The following CPA6 variants were observed in gnomAD, a reference collection of about 807,000 sequenced individuals.
CPA6 encodes the protein carboxypeptidase B.
CPA6 carries 58 observed loss-of-function variants against 63.3 expected under a neutral mutation model. That is an observed-to-expected ratio of 0.92 (90% CI 0.74 to 1.14). The LOEUF (loss-of-function observed/expected upper bound fraction) is 1.14, where lower values mean the gene tolerates loss of function less well. Ranked by LOEUF, CPA6 falls within the 50% of genes most tolerant of loss-of-function variation. CPA6 has a pLI of 0.00. For missense variants in CPA6, 565 were observed against 526.6 expected, an observed-to-expected ratio of 1.07 and a Z score of -0.71; for synonymous variants, 185 against 179.0, an observed-to-expected ratio of 1.03 and a Z score of -0.27.
intron 2 of CPA6, among the ~76,000 whole-genome samples, chr8:67,606,489 T>A (rs549397042): frequency 9.8e-5 from 15 of 152,330 alleles, no homozygotes; most frequent in African/African-American, 3.6e-4. Context: ...TGGCTCTTTA[T>A]GCTCTAAGAC....
At chr8:67,658,195 T>C (rs1396045522) in intron 1 of CPA6, among the ~76,000 whole-genome samples, 1 of 152,226 alleles carries the variant, frequency 6.6e-6, no homozygotes, top group Admixed American at 6.5e-5. Flanking sequence ...TTGATCTTTC[T>C]TCCTATCTAA....
intron 1 of CPA6, among the ~76,000 whole-genome samples, chr8:67,711,660 A>ATGCATG (rs1817262794): frequency 6.7e-6 from 1 of 149,580 alleles, no homozygotes; most frequent in Admixed American, 6.6e-5. Context: ...TGGTATATGT[A>ATGCATG]TGCATGTGGT....
At chr8:67,651,077 G>A (rs1815826175) in intron 1 of CPA6, among the ~76,000 whole-genome samples, 1 of 152,046 alleles carries the variant, frequency 6.6e-6, no homozygotes, top group East Asian at 1.9e-4. Flanking sequence ...TATGTTCAAA[G>A]GTAAAAACTA....
At chr8:67,560,510 A>G (rs1813183271) in intron 2 of CPA6, among the ~76,000 whole-genome samples, 1 of 152,190 alleles carries the variant, frequency 6.6e-6, no homozygotes. Flanking sequence ...AAACCTTTGT[A>G]TAATGCAATA....
chr8:67,567,492 T>C (rs1813368289), intron 2 of CPA6, among the ~76,000 whole-genome samples: 1 of 152,190 alleles, frequency 6.6e-6, no homozygotes, highest in South Asian at 2.1e-4. Context: ...ACTGGGTCAG[T>C]GGCAGTTTTG....
chr8:67,704,477 T>G (rs1313242888), intron 1 of CPA6, among the ~76,000 whole-genome samples: 1 of 152,210 alleles, frequency 6.6e-6, no homozygotes, highest in South Asian at 2.1e-4. Context: ...GACAAGAATA[T>G]AGGCCAGCTG....
chr8:67,690,173 T>A (rs1474428575), intron 1 of CPA6, among the ~76,000 whole-genome samples: 2 of 152,178 alleles, frequency 1.3e-5, no homozygotes, highest in Admixed American at 6.5e-5. Flanking sequence ...TGTGTGTTAC[T>A]CAGTTCTGTA....
chr8:67,739,271 C>A (rs970765847), intron 1 of CPA6, among the ~76,000 whole-genome samples: 1 of 152,158 alleles, frequency 6.6e-6, no homozygotes. Flanking sequence ...CCCCAACACA[C>A]AGAACATACT....
At chr8:67,624,144 A>G in intron 2 of CPA6, 32 bp downstream of exon 2, 1 of 1,301,336 alleles carries the variant, frequency 7.7e-7, no homozygotes, top group Non-Finnish European at 1.1e-6. Context: ...CACAAGCACA[A>G]TTCTACCATA....
chr8:67,598,497 C>T (rs1814406533), intron 2 of CPA6, among the ~76,000 whole-genome samples: 1 of 151,946 alleles, frequency 6.6e-6, no homozygotes, highest in South Asian at 2.1e-4. Flanking sequence ...TATGGAAAAA[C>T]AAAATTTTCA....
chr8:67,620,900 G>T (rs1338521002), intron 2 of CPA6, among the ~76,000 whole-genome samples: 1 of 152,184 alleles, frequency 6.6e-6, no homozygotes, highest in Admixed American at 6.5e-5. Context: ...CATTTGGAAA[G>T]TTGGATATCA....
chr8:67,545,755 G>T (rs1812805381), intron 2 of CPA6, among the ~76,000 whole-genome samples: 1 of 151,814 alleles, frequency 6.6e-6, no homozygotes, highest in Non-Finnish European at 1.5e-5. Context: ...TAGAGACAGG[G>T]TTTCTCCATG....
At chr8:67,542,488 C>T (rs1000376985) in intron 2 of CPA6, among the ~76,000 whole-genome samples, 3 of 152,156 alleles carry the variant, frequency 2.0e-5, no homozygotes, top group Non-Finnish European at 2.9e-5. Flanking sequence ...GGATTGGAAC[C>T]GAGTCGATTC....
At chr8:67,729,328 AG>A (rs2129002786) in intron 1 of CPA6, among the ~76,000 whole-genome samples, 1 of 152,352 alleles carries the variant, frequency 6.6e-6, no homozygotes, top group South Asian at 2.1e-4. Context: ...CATGAAAAAA[AG>A]CCCTAATTTT....
At chr8:67,651,935 A>C (rs1357240439) in intron 1 of CPA6, among the ~76,000 whole-genome samples, 2 of 148,412 alleles carry the variant, frequency 1.3e-5, no homozygotes, top group African/African-American at 2.5e-5. Context: ...ATGTTCCCCT[A>C]CCTGTGTCCA....
At chr8:67,629,317 T>C (rs1484485659) in intron 1 of CPA6, among the ~76,000 whole-genome samples, 1 of 150,492 alleles carries the variant, frequency 6.6e-6, no homozygotes, top group Non-Finnish European at 1.5e-5. Context: ...AATAAATAAA[T>C]AAATAAATAA....
chr8:67,438,835 A>T (rs991814936), intron 8 of CPA6, among the ~76,000 whole-genome samples: 13 of 152,232 alleles, frequency 8.5e-5, no homozygotes, highest in African/African-American at 2.4e-4. Context: ...TGAAAAGGAG[A>T]TATAGATATT....
chr8:67,557,575 C>T (rs1209128411), intron 2 of CPA6, among the ~76,000 whole-genome samples: 1 of 152,088 alleles, frequency 6.6e-6, no homozygotes, highest in Non-Finnish European at 1.5e-5. Flanking sequence ...CACCATCTGG[C>T]CAGCAAACCT....
chr8:67,609,678 T>G (rs1291092522), intron 2 of CPA6, among the ~76,000 whole-genome samples: 2 of 152,208 alleles, frequency 1.3e-5, no homozygotes, highest in Non-Finnish European at 2.9e-5. Context: ...CAAATACATA[T>G]GATAAACAAT....
Sources: allele counts gnomAD v4.1 joint callset (sites outside exome capture counted in the v4.1 genomes callset), GRCh38; gene constraint gnomAD v4.1.1; transcripts MANE v1.5; gene names NCBI Gene and HGNC (gene_info 2026-07-23, HGNC 2026-07-21).